Variants in RBMS3 observed in about 807,000 individuals in gnomAD.
The protein encoded by RBMS3 is RNA-binding motif, single-stranded-interacting protein 3.
Under a neutral mutation model 66.8 loss-of-function variants are expected in RBMS3, and 27 were observed. The observed-to-expected ratio is 0.40, with a 90% CI of 0.30 to 0.56. The LOEUF (loss-of-function observed/expected upper bound fraction) is 0.56. Among genes scored for constraint, RBMS3 ranks in the 20% least tolerant of loss-of-function variants. The pLI is 0.40. For missense variants in RBMS3, 513 were observed against 549.5 expected (o/e 0.93, Z 0.66); for synonymous variants, 188 against 183.0 (o/e 1.03, Z -0.22).
At chr3:29,494,724 A>G (rs2043674771) in intron 3 of RBMS3, among the ~76,000 whole-genome samples, 1 of 152,224 alleles carries the variant, frequency 6.6e-6, no homozygotes, top group Non-Finnish European at 1.5e-5. Context: ...CAAGGTGTAA[A>G]TCTTAAAAGA....
intron 2 of RBMS3, among the ~76,000 whole-genome samples, chr3:29,464,785 C>G (rs2042482459): frequency 6.6e-6 from 1 of 152,140 alleles, no homozygotes; most frequent in Non-Finnish European, 1.5e-5. Context: ...TCTGTTCACC[C>G]CCACCTTATT....
intron 1 of RBMS3, among the ~76,000 whole-genome samples, chr3:29,372,312 G>A (rs1004163764): frequency 4.6e-5 from 7 of 152,094 alleles, no homozygotes; most frequent in African/African-American, 1.7e-4. Flanking sequence ...CTGGGTGACA[G>A]AGCAAGACTC....
chr3:29,485,411 A>T (rs1304456992), intron 2 of RBMS3, among the ~76,000 whole-genome samples: 5 of 152,180 alleles, frequency 3.3e-5, no homozygotes, highest in Admixed American at 6.5e-5. Flanking sequence ...AGAATATAAG[A>T]AATATCATTA....
At chr3:29,313,795 T>C (rs928146950) in intron 1 of RBMS3, among the ~76,000 whole-genome samples, 1 of 151,604 alleles carries the variant, frequency 6.6e-6, no homozygotes, top group South Asian at 2.1e-4. Context: ...ATGGATAGTA[T>C]GCTTAATATA....
intron 2 of RBMS3, among the ~76,000 whole-genome samples, chr3:29,451,716 TG>T (rs2042023521): frequency 6.6e-6 from 1 of 152,168 alleles, no homozygotes; most frequent in Admixed American, 6.5e-5. Flanking sequence ...ATTGGCAGTG[TG>T]CTTATTCATT....
Position 29,620,615 on chromosome 3 carries a change from T to C in RBMS3, c.399+33410T>C, listed in dbSNP as rs2048833118. 2.6e-5 allele frequency among the ~76,000 whole-genome samples: 4 copies of C among 152,262 alleles called. No individual in the cohort carries two copies. The South Asian group carries it at 8.3e-4, about 32-fold the overall frequency. ...ATCTTTATGTACTTGATTTTCATAT[T>C]GGCATTTAAAAGTGTGTTTTAACTA... On this transcript the variant is annotated intron_variant, in intron 4 of 14. Coordinates refer to ENST00000383767, the MANE Select transcript of RBMS3 (RefSeq NM_001003793.3).
Position 30,008,042 on chromosome 3 carries a change from T to A in RBMS3, c.*4180T>A, listed in dbSNP as rs1429965400. 8 of 151,850 alleles carry A rather than the reference T, an allele frequency of 5.3e-5. No individual in the cohort carries two copies. The highest frequency in any genetic ancestry group is 1.9e-4 in the African/African-American group (8 of 41,400). 9.4% of individuals were successfully genotyped at this position (151,850 alleles called of 1,614,324 possible). ...CCCTTGCAAAGTGCTTTAAAAGTAC[T>A]TTCAATTTATGCATGACTCCAAAAA... On this transcript the variant is annotated 3_prime_UTR_variant, in exon 15 of 15. Transcript: ENST00000383767.
intron 4 of RBMS3, among the ~76,000 whole-genome samples, chr3:29,628,748 A>G (rs940179201): frequency 2.6e-5 from 4 of 152,164 alleles, no homozygotes; most frequent in African/African-American, 9.7e-5. Flanking sequence ...AGATATTTTC[A>G]TATAGTTCCT....
intron 4 of RBMS3, among the ~76,000 whole-genome samples, chr3:29,725,737 A>G (rs2053837019): frequency 6.6e-6 from 1 of 152,082 alleles, no homozygotes; most frequent in Non-Finnish European, 1.5e-5. Flanking sequence ...AACCAAAAAA[A>G]CCCCAGGACC....
intron 3 of RBMS3, among the ~76,000 whole-genome samples, chr3:29,551,364 T>C (rs1209608962): frequency 6.6e-6 from 1 of 152,174 alleles, no homozygotes; most frequent in Non-Finnish European, 1.5e-5. Context: ...GATAAATTTG[T>C]CAAGAGAGTT....
At chr3:29,474,611 G>A (rs148207310) in intron 2 of RBMS3, among the ~76,000 whole-genome samples, 90 of 152,322 alleles carry the variant, frequency 5.9e-4, no homozygotes, top group East Asian at 2.9e-3. Context: ...GGGTGACACA[G>A]ACAAGGAAGG....
chr3:29,789,166 T>C (rs946975108), intron 6 of RBMS3, among the ~76,000 whole-genome samples: 1 of 138,702 alleles, frequency 7.2e-6, no homozygotes, highest in South Asian at 2.3e-4. Flanking sequence ...TCATGATGTA[T>C]TTTTTTTGCC....
At chr3:29,371,128 G>A (rs188767997) in intron 1 of RBMS3, among the ~76,000 whole-genome samples, 1 of 152,298 alleles carries the variant, frequency 6.6e-6, no homozygotes, top group African/African-American at 2.4e-5. Flanking sequence ...AAATGCAGTG[G>A]TTTTGTTCAT....
Position 29,504,997 on chromosome 3 carries a change from G to A in RBMS3, c.307+16498G>A, listed in dbSNP as rs143451065. On this transcript the variant is annotated intron_variant, in intron 3 of 14. Coordinates refer to ENST00000383767, the MANE Select transcript of RBMS3 (RefSeq NM_001003793.3). ...CTATGGTTTGCAAATACTTCCTCCC[G>A]TATCAGACATATGTTATGTCTTCAC... is the stretch of plus-strand genomic sequence containing the variant. Among the ~76,000 whole-genome samples the A allele has an allele frequency of 9.3e-3, 1,414 of 151,946 alleles. 14 individuals are homozygous for A. Among genetic ancestry groups the A allele is most frequent in the South Asian group, 0.035 (169 of 4,812 alleles).
At chr3:29,769,595 G>A (rs1559652010) in intron 6 of RBMS3, among the ~76,000 whole-genome samples, 1 of 148,164 alleles carries the variant, frequency 6.7e-6, no homozygotes, top group African/African-American at 2.4e-5. Flanking sequence ...CAGGTTAAGT[G>A]AATAGTGACA....
At chr3:29,520,151 C>T (rs1414147760) in intron 3 of RBMS3, among the ~76,000 whole-genome samples, 5 of 152,076 alleles carry the variant, frequency 3.3e-5, no homozygotes, top group South Asian at 4.1e-4. Flanking sequence ...AGTCAAGGAG[C>T]CAAGTGTAGC....
At chr3:29,333,498 C>G (rs1220209333) in intron 1 of RBMS3, among the ~76,000 whole-genome samples, 1 of 152,114 alleles carries the variant, frequency 6.6e-6, no homozygotes, top group African/African-American at 2.4e-5. Flanking sequence ...TAAGACCAGA[C>G]TGAGGGAAAA....
intron 6 of RBMS3, among the ~76,000 whole-genome samples, chr3:29,807,197 A>G (rs1019668798): frequency 2.0e-5 from 3 of 151,978 alleles, no homozygotes; most frequent in Non-Finnish European, 2.9e-5. Flanking sequence ...AACTGTCAGT[A>G]TCAAGATTGC....
chr3:29,444,806 T>TTTTTTTTTTTTTTTTC (rs2041763543), intron 2 of RBMS3, among the ~76,000 whole-genome samples: 1 of 138,884 alleles, frequency 7.2e-6, no homozygotes, highest in East Asian at 2.1e-4. Flanking sequence ...TTTTTTTTTT[T>TTTTTTTTTTTTTTTTC]TTTTTTGCTC....
Sources: allele counts gnomAD v4.1 joint callset (sites outside exome capture counted in the v4.1 genomes callset), GRCh38; gene constraint gnomAD v4.1.1; transcripts MANE v1.5; gene names NCBI Gene and HGNC (gene_info 2026-07-23, HGNC 2026-07-21).